TRIM51G: variants seen among roughly 807,000 people sequenced by gnomAD.
The protein encoded by TRIM51G is tripartite motif-containing 51G.
the TRIM51G span, among the ~76,000 whole-genome samples, chr11:48,980,011 T>A: frequency 6.6e-6 from 1 of 151,920 alleles, no homozygotes; most frequent in Admixed American, 6.6e-5. Context: ...TGTGCTCCTT[T>A]TCTAACTTCC....
chr11:48,980,317 A>G, the TRIM51G span, among the ~76,000 whole-genome samples: 1 of 152,148 alleles, frequency 6.6e-6, no homozygotes, highest in Non-Finnish European at 1.5e-5. Flanking sequence ...TTCTCCTTAT[A>G]TAAAATACTA....
the TRIM51G span, among the ~76,000 whole-genome samples, chr11:48,983,750 A>G: frequency 1.1e-4 from 16 of 152,106 alleles, no homozygotes; most frequent in Non-Finnish European, 1.8e-4. Context: ...CCAAGGTTCT[A>G]TGAATGTTTC....
chr11:48,981,448 C>T, the TRIM51G span: 11 of 1,607,558 alleles, frequency 6.8e-6, no homozygotes, highest in Admixed American at 5.0e-5. Context: ...AAGGAATTGC[C>T]GGAGGCTGGC....
At chr11:48,979,028 C>T in the TRIM51G span, 1 of 1,123,408 alleles carries the variant, frequency 8.9e-7, no homozygotes, top group Non-Finnish European at 1.4e-6. Context: ...AGTGACGTTG[C>T]TCTTCTTCAT....
the TRIM51G span, chr11:48,981,349 G>A: frequency 6.2e-7 from 1 of 1,607,436 alleles, no homozygotes; most frequent in Admixed American, 1.7e-5. Flanking sequence ...CTGAGAGTTG[G>A]AGCACAGCAA....
the TRIM51G span, chr11:48,975,702 C>T: frequency 6.8e-5 from 104 of 1,536,798 alleles, no homozygotes; most frequent in Admixed American, 8.4e-5. Flanking sequence ...AGTGAGTGTC[C>T]TCCTTAACAC....
chr11:48,981,707 A>G, the TRIM51G span: 54 of 1,597,356 alleles, frequency 3.4e-5, no homozygotes, highest in Non-Finnish European at 4.5e-5. Context: ...TTTCTGAAGA[A>G]GAAAGAGCAG....
the TRIM51G span, among the ~76,000 whole-genome samples, chr11:48,977,449 A>G: frequency 1.3e-5 from 2 of 152,140 alleles, no homozygotes; most frequent in Non-Finnish European, 2.9e-5. Context: ...AGACTGGGAG[A>G]ATATTCAAAA....
the TRIM51G span, chr11:48,981,212 A>G: frequency 2.5e-6 from 4 of 1,581,148 alleles, no homozygotes; most frequent in Admixed American, 3.4e-5. Context: ...GCATCATCCA[A>G]TCTCGAAGGA....
At chr11:48,979,224 C>T in the TRIM51G span, 21 of 551,608 alleles carry the variant, frequency 3.8e-5, no homozygotes, top group Non-Finnish European at 7.3e-5. Flanking sequence ...TCTCAGATTC[C>T]ACAAAATTTT....
At chr11:48,981,713 A>G in the TRIM51G span, 1 of 1,597,046 alleles carries the variant, frequency 6.3e-7, no homozygotes, top group Non-Finnish European at 8.6e-7. Flanking sequence ...AAGAAGAAAG[A>G]GCAGCATGTC....
At chr11:48,981,623 G>T in the TRIM51G span, 1 of 1,599,500 alleles carries the variant, frequency 6.3e-7, no homozygotes, top group African/African-American at 1.3e-5. Context: ...ATGGTGACTG[G>T]GTCTATGAAG....
chr11:48,981,278 C>T, the TRIM51G span: 2 of 1,604,170 alleles, frequency 1.2e-6, no homozygotes, highest in Admixed American at 1.7e-5. Flanking sequence ...TCAGAGGCAT[C>T]ACTTACCCGG....
chr11:48,976,585 C>T, the TRIM51G span, among the ~76,000 whole-genome samples: 44 of 152,006 alleles, frequency 2.9e-4, no homozygotes, highest in African/African-American at 9.2e-4. Context: ...TTATCATTTC[C>T]ATTTTTACTT....
the TRIM51G span, among the ~76,000 whole-genome samples, chr11:48,979,847 T>C: frequency 2.6e-5 from 3 of 117,284 alleles, no homozygotes; most frequent in Non-Finnish European, 4.1e-5. Context: ...GATACACATA[T>C]ATATTCATAT....
chr11:48,981,656 T>C, the TRIM51G span: 1 of 1,599,968 alleles, frequency 6.3e-7, no homozygotes, highest in Non-Finnish European at 8.6e-7. Flanking sequence ...ATGGGACAGA[T>C]GAGTTCCCTC....
the TRIM51G span, chr11:48,980,859 T>A: frequency 2.2e-6 from 1 of 462,182 alleles, no homozygotes; most frequent in Non-Finnish European, 4.5e-6. Context: ...AGTCACCCAT[T>A]TGTTCACCAT....
chr11:48,975,868 T>A, the TRIM51G span: 1 of 911,468 alleles, frequency 1.1e-6, no homozygotes, highest in Middle Eastern at 2.2e-4. Flanking sequence ...AGCCCCCCAT[T>A]GAAGAAAACA....
At chr11:48,983,622 AAT>A in the TRIM51G span, among the ~76,000 whole-genome samples, 1 of 151,556 alleles carries the variant, frequency 6.6e-6, no homozygotes, top group Admixed American at 6.6e-5. Flanking sequence ...GAATAGCAAT[AAT>A]ATGAGTTACA....
Sources: gnomAD v4.1 joint callset for allele counts (sites outside exome capture counted in the v4.1 genomes callset) on GRCh38, gnomAD v4.1.1 for gene constraint, MANE v1.5 for transcripts, NCBI Gene and HGNC (gene_info 2026-07-23, HGNC 2026-07-21) for gene names.